The following SLC25A12 variants were observed in gnomAD, a reference collection of about 807,000 sequenced individuals.
SLC25A12 encodes the protein electrogenic aspartate/glutamate antiporter SLC25A12, mitochondrial.
SLC25A12 carries 32 observed loss-of-function variants against 83.3 expected under a neutral mutation model. The observed-to-expected ratio is 0.38, with a 90% CI of 0.29 to 0.52. SLC25A12 has a LOEUF of 0.52. Among genes scored for constraint, SLC25A12 ranks in the 20% least tolerant of loss-of-function variants. The probability of loss-of-function intolerance (pLI) is 0.84; values close to 1 mark genes in which losing one functional copy is unlikely to be tolerated. For synonymous variants in SLC25A12, 267 were observed against 291.1 expected, an observed-to-expected ratio of 0.92 and a Z score of 0.84; for missense variants, 611 against 835.6, an observed-to-expected ratio of 0.73 and a Z score of 3.31.
intron 8 of SLC25A12, among the ~76,000 whole-genome samples, chr2:171,828,024 T>C (rs1195520635): frequency 1.3e-5 from 2 of 152,082 alleles, no homozygotes; most frequent in East Asian, 3.9e-4. Context: ...CAACTGCAGG[T>C]CTCTGGCCAG....
intron 11 of SLC25A12, among the ~76,000 whole-genome samples, chr2:171,811,596 A>G (rs1683947154): frequency 6.6e-6 from 1 of 152,212 alleles, no homozygotes; most frequent in Non-Finnish European, 1.5e-5. Context: ...TGCAAGCAAT[A>G]TATGACAATC....
chr2:171,836,762 A>G (rs1300980661), intron 6 of SLC25A12, among the ~76,000 whole-genome samples: 2 of 152,186 alleles, frequency 1.3e-5, no homozygotes, highest in African/African-American at 4.8e-5. Context: ...CCCACTGGAA[A>G]AAGTAATTGC....
intron 3 of SLC25A12, among the ~76,000 whole-genome samples, chr2:171,864,977 C>T (rs1358691026): frequency 2.0e-5 from 3 of 152,234 alleles, no homozygotes; most frequent in Admixed American, 2.0e-4. Flanking sequence ...TAATGTTTGC[C>T]AAATAAATAG....
rs1164660591 is a variant in SLC25A12, at chr2:171,837,182, T to C, written c.551A>G (p.Asp184Gly). 2 of 1,614,140 alleles carry C rather than the reference T, an allele frequency of 1.2e-6. No homozygotes were observed. Among genetic ancestry groups the C allele is most frequent in the East Asian group, 4.5e-5 (2 of 44,870 alleles). Residue 184 changes from aspartate (D) to glycine (G), a missense_variant, in exon 6 of 18, where the codon GAC becomes GGC. By Grantham distance (94) the Asp-to-Gly change is moderately conservative (BLOSUM62 -1). Around this residue, in one of 3 missense-constraint regions of SLC25A12, gnomAD observed 540 missense variants for 777.5 expected, o/e 0.69. Coordinates refer to ENST00000422440, the MANE Select transcript of SLC25A12 (RefSeq NM_003705.5). ...GTGAGATCTAATGGTAACCATGATG[T>C]CACTGAAATCCAGACCAGAAATCAT... ...SGMISGLDFSDIMVTIRSHML... is the reference protein window; with the variant it reads ...SGMISGLDFSGIMVTIRSHML...
chr2:171,852,448 C>T (rs916795281), intron 4 of SLC25A12, among the ~76,000 whole-genome samples: 2 of 152,196 alleles, frequency 1.3e-5, no homozygotes, highest in African/African-American at 4.8e-5. Context: ...AGGTTTTCTC[C>T]ACTTCCTTAC....
At chr2:171,844,245 A>C in intron 5 of SLC25A12, 124 bp downstream of exon 5, 1 of 1,018,114 alleles carries the variant, frequency 9.8e-7, no homozygotes, top group East Asian at 2.5e-5. Context: ...GCGAGGGGGA[A>C]ATTTAAAAAA....
chr2:171,874,827 T>C (rs1361484524), intron 2 of SLC25A12, among the ~76,000 whole-genome samples: 1 of 152,144 alleles, frequency 6.6e-6, no homozygotes, highest in Non-Finnish European at 1.5e-5. Flanking sequence ...GGGAATTAAA[T>C]ATTGGGTATG....
chr2:171,891,240 A>C (rs907757942), intron 2 of SLC25A12, among the ~76,000 whole-genome samples: 1 of 152,092 alleles, frequency 6.6e-6, no homozygotes, highest in Non-Finnish European at 1.5e-5. Flanking sequence ...CAGAAGTTGC[A>C]GTGAGCCAAG....
Position 171,785,367 on chromosome 2 carries a change from G to A in SLC25A12, c.1944C>T (p.Gly648=). ...GATAAAGGCCAAATTTGTTTTCGAT[G>A]CCTGCAAACGTGGCTGTGGCGAGTC... is the stretch of plus-strand genomic sequence containing the variant. The part of the protein sequence containing the change: ...GYRLATATFA[G]IENKFGLYLP... The change falls in exon 18 of 18, where the codon GGC becomes GGT. Residue 648 remains glycine (G), a synonymous_variant. Transcript: ENST00000422440. 1 of 1,614,208 alleles carries A rather than the reference G, an allele frequency of 6.2e-7. No homozygotes were observed. The highest frequency in any genetic ancestry group is 8.5e-7 in the Non-Finnish European group (1 of 1,180,034).
chr2:171,818,490 G>C (rs1684103493), intron 9 of SLC25A12, among the ~76,000 whole-genome samples: 1 of 151,450 alleles, frequency 6.6e-6, no homozygotes, highest in South Asian at 2.1e-4. Context: ...TGAGAATTAG[G>C]TCTAGTGATG....
At chr2:171,824,724 AATTTT>A (rs1684262797) in intron 9 of SLC25A12, among the ~76,000 whole-genome samples, 1 of 152,070 alleles carries the variant, frequency 6.6e-6, no homozygotes, top group Non-Finnish European at 1.5e-5. Flanking sequence ...AATTTTATAA[AATTTT>A]ATTTTTTTAA....
chr2:171,846,006 T>C (rs1054246747), intron 4 of SLC25A12: 16 of 233,852 alleles, frequency 6.8e-5, no homozygotes, highest in Admixed American at 2.2e-4. Flanking sequence ...CTTAAATCTA[T>C]GTGAAACTTC....
At chr2:171,871,469 A>T (rs1685454718) in intron 2 of SLC25A12, among the ~76,000 whole-genome samples, 1 of 152,126 alleles carries the variant, frequency 6.6e-6, no homozygotes, top group African/African-American at 2.4e-5. Context: ...GGAGACTGAG[A>T]GGAATGGGAG....
intron 15 of SLC25A12, among the ~76,000 whole-genome samples, chr2:171,789,935 G>C (rs1030992192): frequency 6.6e-6 from 1 of 152,058 alleles, no homozygotes; most frequent in Non-Finnish European, 1.5e-5. Context: ...TACCAGAAAG[G>C]GGCTGCTACA....
intron 13 of SLC25A12, among the ~76,000 whole-genome samples, chr2:171,808,974 GAC>G (rs1407950626): frequency 5.3e-5 from 8 of 151,522 alleles, no homozygotes; most frequent in African/African-American, 1.9e-4. Flanking sequence ...CTGTCCTTGT[GAC>G]AGTTTGCTGA....
At chr2:171,882,628 C>G (rs528355202) in intron 2 of SLC25A12, among the ~76,000 whole-genome samples, 1 of 152,294 alleles carries the variant, frequency 6.6e-6, no homozygotes, top group African/African-American at 2.4e-5. Flanking sequence ...CATGTTTAAC[C>G]AAAATTCCTG....
intron 4 of SLC25A12, among the ~76,000 whole-genome samples, chr2:171,849,135 A>T (rs1684858350): frequency 6.6e-6 from 1 of 151,974 alleles, no homozygotes; most frequent in African/African-American, 2.4e-5. Context: ...GGTTGCAGTG[A>T]GCCGAGATCA....
chr2:171,785,205 C>T lies in SLC25A12; in HGVS notation c.*69G>A, dbSNP rs996706460. On this transcript the variant is annotated 3_prime_UTR_variant, in exon 18 of 18. Coordinates refer to ENST00000422440, the MANE Select transcript of SLC25A12 (RefSeq NM_003705.5). ...TCAGTACCATGCAGCTGACTGGATACATTACAGGGCTGCTCTCCTAGGCCT... is the reference window on the plus strand; with the variant it reads ...TCAGTACCATGCAGCTGACTGGATATATTACAGGGCTGCTCTCCTAGGCCT... 2 of 1,411,578 alleles carry T rather than the reference C, an allele frequency of 1.4e-6. No homozygotes were observed. The highest frequency in any genetic ancestry group is 2.3e-5 in the East Asian group (1 of 43,868). The allele number at this position is 1,411,578 out of a possible 1,614,324, so 87.4% of individuals were successfully genotyped here.
chr2:171,867,615 AGAGAGGGAGAGGGAGACCGTGGGGAGAGG>A (rs1391826048), intron 3 of SLC25A12, among the ~76,000 whole-genome samples: 1 of 152,170 alleles, frequency 6.6e-6, no homozygotes, highest in Non-Finnish European at 1.5e-5. Flanking sequence ...GACCATGGAA[AGAGAGGGAGAGGGAGACCGTGGGGAGAGG>A]GAGAGGGAGA....
Sources: allele counts gnomAD v4.1 joint callset (sites outside exome capture counted in the v4.1 genomes callset), GRCh38; gene constraint gnomAD v4.1.1; regional missense constraint gnomAD v4.1.1; transcripts MANE v1.5; gene names NCBI Gene and HGNC (gene_info 2026-07-23, HGNC 2026-07-21).